The following COBLL1 variants were observed in gnomAD, a reference collection of about 807,000 sequenced individuals.
COBLL1 encodes cordon-bleu WH2 repeat protein like 1, also known as cordon-bleu protein-like 1.
A neutral mutation model predicts 94.8 loss-of-function variants in COBLL1; 50 were observed. The observed-to-expected ratio is 0.53, with a 90% CI of 0.42 to 0.67. COBLL1 has a LOEUF of 0.67. COBLL1 is among the 30% of genes least tolerant of loss of function. The pLI, the probability that COBLL1 is intolerant of heterozygous loss-of-function variation, is 0.00. For synonymous variants in COBLL1, 448 were observed against 473.8 expected (o/e 0.95, Z 0.71); for missense variants, 1,362 against 1,348.7 (o/e 1.01, Z -0.15).
At chr2:164,679,619 G>T (rs796393501), downstream of COBLL1, among the ~76,000 whole-genome samples, 1 of 151,950 alleles carries the variant, frequency 6.6e-6, no homozygotes, top group African/African-American at 2.4e-5. Context: ...CAGAGTAAAT[G>T]GTAGAGAACT....
intron 2 of COBLL1, among the ~76,000 whole-genome samples, chr2:164,801,990 A>G (rs185557331): frequency 6.6e-6 from 1 of 152,326 alleles, no homozygotes; most frequent in Admixed American, 6.5e-5. Context: ...GTATTTTCTG[A>G]TTCTTTGTAG....
intron 2 of COBLL1, among the ~76,000 whole-genome samples, chr2:164,757,043 T>C (rs1166198398): frequency 6.6e-6 from 1 of 152,090 alleles, no homozygotes; most frequent in Non-Finnish European, 1.5e-5. Flanking sequence ...TTTAAGAAAA[T>C]ACTGAGGCCT....
chr2:164,668,773 G>A (rs918546159), intron 1 of COBLL1, among the ~76,000 whole-genome samples: 1 of 152,130 alleles, frequency 6.6e-6, no homozygotes, highest in African/African-American at 2.4e-5. Flanking sequence ...AACATTCTGT[G>A]GATGTTTATT....
intron 2 of COBLL1, among the ~76,000 whole-genome samples, chr2:164,802,042 C>A (rs113509293): frequency 0.022 from 3,401 of 152,182 alleles, 103 homozygotes; most frequent in African/African-American, 0.078. Flanking sequence ...TAGCTTAGAA[C>A]CTAGAGTTTA....
At chr2:164,700,139 T>G (rs1437157070) in intron 10 of COBLL1, among the ~76,000 whole-genome samples, 1 of 152,150 alleles carries the variant, frequency 6.6e-6, no homozygotes, top group African/African-American at 2.4e-5. Flanking sequence ...CATATTCTAA[T>G]ATGCATAATT....
chr2:164,686,566 G>A (rs1683303427), intron 13 of COBLL1, among the ~76,000 whole-genome samples: 1 of 150,614 alleles, frequency 6.6e-6, no homozygotes, highest in Non-Finnish European at 1.5e-5. Flanking sequence ...ATCTGTGACT[G>A]TTAAGCCAAA....
intron 5 of COBLL1, among the ~76,000 whole-genome samples, chr2:164,726,315 C>T (rs1054839416): frequency 3.3e-5 from 5 of 151,972 alleles, no homozygotes; most frequent in African/African-American, 1.2e-4. Flanking sequence ...ATTTCACTAA[C>T]ACATAATATA....
At chr2:164,838,105 G>T (rs772957845) in intron 2 of COBLL1, among the ~76,000 whole-genome samples, 2 of 152,158 alleles carry the variant, frequency 1.3e-5, no homozygotes, top group Non-Finnish European at 2.9e-5. Flanking sequence ...GATGACCACA[G>T]GATCAGACCC....
chr2:164,699,094 T>A (rs1307838679), intron 11 of COBLL1, among the ~76,000 whole-genome samples: 1 of 151,974 alleles, frequency 6.6e-6, no homozygotes, highest in Admixed American at 6.6e-5. Flanking sequence ...ATAATTTCTA[T>A]GTTTTAACAA....
chr2:164,708,142 T>G lies in COBLL1; in HGVS notation c.997-3037A>C, dbSNP rs558143495. ...GCGACAAGGTGGCACCAGGGAGATT[T>G]TACCAACAGTTGAAATGTTAAACTT... On this transcript the variant is annotated intron_variant, in intron 7 of 13. Coordinates refer to ENST00000652658, the MANE Select transcript of COBLL1 (RefSeq NM_001365672.2). Among the ~76,000 whole-genome samples the G allele has an allele frequency of 1.2e-4, 19 of 152,232 alleles. No homozygotes were observed. In the Middle Eastern group the frequency reaches 0.024, roughly 192 times the overall value.
In COBLL1 at chr2:164,807,210, C is replaced by A. The variant is rs997835891; in HGVS notation, c.41+33946G>T. ...CCTGTAATCCCAGCACTTTGGGAGA[C>A]CGAGGTGGGTGTATCACCTGAGGTC... On this transcript the variant is annotated intron_variant, in intron 2 of 13. Transcript: ENST00000652658. 3.3e-5 allele frequency among the ~76,000 whole-genome samples: 5 copies of A among 152,074 alleles called. No individual in the cohort carries two copies. The South Asian group carries it at 6.2e-4, about 19-fold the overall frequency.
intron 11 of COBLL1, chr2:164,697,153 C>T (rs1683992999): frequency 1.3e-5 from 2 of 152,096 alleles, no homozygotes; most frequent in Non-Finnish European, 2.9e-5. Flanking sequence ...TTTTTAAACT[C>T]TGCCTGATTG....
Position 164,776,329 on chromosome 2 carries a change from GCCCCTTCATCAA to G in COBLL1, c.42-32466_42-32455del, listed in dbSNP as rs564977085. ...ACTGCAGTGCTATCTAGTTCTCATG[GCCCCTTCATCAA>G]CCCACTTTGTTCCAGCAACACTGGC... On this transcript the variant is annotated intron_variant, in intron 2 of 13. Transcript: ENST00000652658. Among the ~76,000 whole-genome samples the G allele has an allele frequency of 6.3e-3, 963 of 152,036 alleles. 1 individual carries two copies. The highest frequency in any genetic ancestry group is 9.5e-3 in the Non-Finnish European group (647 of 67,982).
intron 2 of COBLL1, among the ~76,000 whole-genome samples, chr2:164,782,801 T>C (rs1023228200): frequency 2.0e-5 from 3 of 152,146 alleles, no homozygotes; most frequent in African/African-American, 7.2e-5. Context: ...AAAAATAACA[T>C]TCTATAAATA....
chr2:164,784,059 C>A (rs1198815823), intron 2 of COBLL1, among the ~76,000 whole-genome samples: 1 of 152,114 alleles, frequency 6.6e-6, no homozygotes, highest in East Asian at 1.9e-4. Flanking sequence ...AAGGAGGTGG[C>A]AAGACCGGAG....
chr2:164,711,512 T>A (rs1684899947), intron 7 of COBLL1, among the ~76,000 whole-genome samples: 1 of 152,172 alleles, frequency 6.6e-6, no homozygotes, highest in South Asian at 2.1e-4. Context: ...TCATTGTGGG[T>A]CTAAAAATCT....
At chr2:164,788,728 C>A (rs1322976434) in intron 2 of COBLL1, among the ~76,000 whole-genome samples, 2 of 151,960 alleles carry the variant, frequency 1.3e-5, no homozygotes. Context: ...GTGGCTCACA[C>A]CTGTAATCTC....
intron 2 of COBLL1, among the ~76,000 whole-genome samples, chr2:164,763,437 A>G (rs911393923): frequency 3.3e-5 from 5 of 152,212 alleles, no homozygotes; most frequent in African/African-American, 1.2e-4. Flanking sequence ...AATAACTAAC[A>G]CAATCAAATA....
chr2:164,730,963 TTA>T (rs1403187205), intron 3 of COBLL1, among the ~76,000 whole-genome samples: 4 of 152,196 alleles, frequency 2.6e-5, no homozygotes, highest in African/African-American at 9.7e-5. Context: ...AGTACAAGTA[TTA>T]TAGTATATCT....
Sources: allele counts gnomAD v4.1 joint callset (sites outside exome capture counted in the v4.1 genomes callset), GRCh38; gene constraint gnomAD v4.1.1; transcripts MANE v1.5; gene names NCBI Gene and HGNC (gene_info 2026-07-23, HGNC 2026-07-21).